The following WFDC11 variants were observed in gnomAD, a reference collection of about 807,000 sequenced individuals.
The protein encoded by WFDC11 is WAP four-disulfide core domain 11, also known as protein WFDC11.
Under a neutral mutation model 9.9 loss-of-function variants are expected in WFDC11, and 9 were observed. The ratio of observed to expected loss-of-function variants is 0.91; its 90% confidence interval spans 0.55 to 1.58. The LOEUF is 1.58. WFDC11 is among the 40% of genes most tolerant of loss of function. WFDC11 has a pLI of 0.00. For missense variants in WFDC11, 106 were observed against 101.7 expected, an observed-to-expected ratio of 1.04 and a Z score of -0.18; for synonymous variants, 32 against 33.3, an observed-to-expected ratio of 0.96 and a Z score of 0.13.
intron 2 of WFDC11, among the ~76,000 whole-genome samples, chr20:45,666,610 C>T (rs1983193867): frequency 6.6e-6 from 1 of 152,230 alleles, no homozygotes; most frequent in South Asian, 2.1e-4. Flanking sequence ...CTTACATGAT[C>T]ATACTACAGT....
At chr20:45,656,352 A>T (rs1414879807) in intron 2 of WFDC11, among the ~76,000 whole-genome samples, 1 of 152,238 alleles carries the variant, frequency 6.6e-6, no homozygotes, top group Non-Finnish European at 1.5e-5. Flanking sequence ...TCCCTATTTA[A>T]TAAATGGTGC....
intron 2 of WFDC11, among the ~76,000 whole-genome samples, chr20:45,658,602 G>A (rs888099470): frequency 6.6e-6 from 1 of 151,410 alleles, no homozygotes; most frequent in Non-Finnish European, 1.5e-5. Context: ...TTATTTTCTC[G>A]GTTAATCTTG....
intron 2 of WFDC11, among the ~76,000 whole-genome samples, chr20:45,651,430 T>G (rs1040207936): frequency 2.6e-5 from 4 of 152,234 alleles, no homozygotes; most frequent in Non-Finnish European, 5.9e-5. Flanking sequence ...TATTCCATTC[T>G]GTGAATATGT....
At chr20:45,651,885 G>A (rs1214077472) in intron 2 of WFDC11, among the ~76,000 whole-genome samples, 1 of 151,186 alleles carries the variant, frequency 6.6e-6, no homozygotes. Flanking sequence ...AGCGAGGCTG[G>A]GGGAGGGGCA....
chr20:45,664,691 G>A (rs538793438), intron 2 of WFDC11, among the ~76,000 whole-genome samples: 10 of 152,154 alleles, frequency 6.6e-5, no homozygotes, highest in South Asian at 2.1e-4. Context: ...AGTTTGGCTG[G>A]ATATGAGATT....
intron 2 of WFDC11, among the ~76,000 whole-genome samples, chr20:45,652,043 C>T (rs1461023117): frequency 6.6e-6 from 1 of 152,242 alleles, no homozygotes; most frequent in Non-Finnish European, 1.5e-5. Context: ...GCAGAATCCT[C>T]TACAGACTTA....
At chr20:45,667,638 C>T (rs1352133435) in intron 1 of WFDC11, among the ~76,000 whole-genome samples, 1 of 152,162 alleles carries the variant, frequency 6.6e-6, no homozygotes, top group Admixed American at 6.5e-5. Flanking sequence ...TATCACATAA[C>T]ATGTAGATTT....
chr20:45,657,351 C>T (rs1047101847), intron 2 of WFDC11, among the ~76,000 whole-genome samples: 1 of 147,102 alleles, frequency 6.8e-6, no homozygotes, highest in Admixed American at 7.1e-5. Context: ...CCAAACACTG[C>T]GTGTTCTCAC....
intron 2 of WFDC11, among the ~76,000 whole-genome samples, chr20:45,655,283 C>T (rs1982903161): frequency 6.6e-6 from 1 of 152,170 alleles, no homozygotes; most frequent in Admixed American, 6.5e-5. Context: ...TCAACATATG[C>T]AAATCAATAA....
Position 45,648,736 on chromosome 20 carries a change from T to A in WFDC11, c.247A>T (p.Thr83Ser). 1 of 1,614,128 alleles carries A rather than the reference T, an allele frequency of 6.2e-7. No homozygotes were observed. The highest frequency in any genetic ancestry group is 1.1e-5 in the South Asian group (1 of 91,078). ...CGNICWINVE[T>S]SGDY is the part of the protein sequence containing the mutation. ...CTACGGTTTTAGTAATCTCCACTGG[T>A]TTCCTGTAAAACAAAAAGGTTAGAT... Residue 83 changes from threonine (T) to serine (S), a missense_variant, in exon 5 of 5, where the codon ACC (threonine) becomes TCC (serine). By Grantham distance (58) the Thr-to-Ser change is moderately conservative (BLOSUM62 1). Transcript: ENST00000324384.
rs74354106 is a variant in WFDC11, at chr20:45,651,090, C to A, written c.-51-439G>T. On this transcript the variant is annotated intron_variant, in intron 2 of 4. Transcript: ENST00000324384. Reference sequence around the variant, plus strand: ...TCCACCCTTCACCCTCAAGTAGACCCCAGTGTTGGTTGTTCCTTCTTTGTA... The same window carrying A: ...TCCACCCTTCACCCTCAAGTAGACCACAGTGTTGGTTGTTCCTTCTTTGTA... Among the ~76,000 whole-genome samples the A allele has an allele frequency of 5.5e-3, 841 of 152,242 alleles. 7 individuals carry two copies. Among genetic ancestry groups the A allele is most frequent in the African/African-American group, 0.019 (807 of 41,536 alleles).
At chr20:45,652,125 C>G (rs537638803) in intron 2 of WFDC11, among the ~76,000 whole-genome samples, 2 of 152,212 alleles carry the variant, frequency 1.3e-5, no homozygotes, top group Non-Finnish European at 2.9e-5. Flanking sequence ...TGAGAACAGA[C>G]AGACTGCCTT....
intron 1 of WFDC11, among the ~76,000 whole-genome samples, chr20:45,667,668 T>A (rs939321498): frequency 6.6e-6 from 1 of 152,216 alleles, no homozygotes; most frequent in Non-Finnish European, 1.5e-5. Flanking sequence ...AGACTTAAAC[T>A]ATACTCAAAT....
chr20:45,648,764 T>C, intron 4 of WFDC11, 25 bp from the exon 5 acceptor site: 1 of 1,613,722 alleles, frequency 6.2e-7, no homozygotes. Context: ...GGTTAGATTT[T>C]TAGAGGCTAG....
At chr20:45,666,387 G>A (rs1983188795) in intron 2 of WFDC11, among the ~76,000 whole-genome samples, 1 of 152,196 alleles carries the variant, frequency 6.6e-6, no homozygotes, top group East Asian at 1.9e-4. Flanking sequence ...CCCAGGTGAG[G>A]CGACACCCCA....
At chr20:45,649,515 A>T (rs1982755856) in intron 3 of WFDC11, 116 bp from the exon 4 acceptor site, 1 of 1,306,570 alleles carries the variant, frequency 7.7e-7, no homozygotes, top group Non-Finnish European at 1.1e-6. Flanking sequence ...AATTCCAACC[A>T]AGATATCTAT....
chr20:45,655,593 C>A (rs1390381101), intron 2 of WFDC11, among the ~76,000 whole-genome samples: 1 of 152,096 alleles, frequency 6.6e-6, no homozygotes, highest in African/African-American at 2.4e-5. Flanking sequence ...GGCAATCAGG[C>A]AGGAAAAGGA....
At chr20:45,665,940 C>A (rs938929995) in intron 2 of WFDC11, among the ~76,000 whole-genome samples, 1 of 152,276 alleles carries the variant, frequency 6.6e-6, no homozygotes, top group East Asian at 1.9e-4. Flanking sequence ...CTGGGAGAAC[C>A]ACTGCTCTCT....
chr20:45,666,343 C>G (rs1461518545), intron 2 of WFDC11, among the ~76,000 whole-genome samples: 1 of 152,188 alleles, frequency 6.6e-6, no homozygotes, highest in Non-Finnish European at 1.5e-5. Context: ...CTTCCCTTGG[C>G]TAGTAAAGGG....
Sources: allele counts gnomAD v4.1 joint callset (sites outside exome capture counted in the v4.1 genomes callset), GRCh38; gene constraint gnomAD v4.1.1; transcripts MANE v1.5; gene names NCBI Gene and HGNC (gene_info 2026-07-23, HGNC 2026-07-21).